NR2F1-AS1: variants seen among roughly 807,000 people sequenced by gnomAD.
NR2F1-AS1 encodes NR2F1 antisense RNA 1.
At chr5:93,505,234 C>T (rs1434981313) in intron 4 of NR2F1-AS1, among the ~76,000 whole-genome samples, 1 of 152,162 alleles carries the variant, frequency 6.6e-6, no homozygotes. Flanking sequence ...TGCAAGAGGT[C>T]GGTTCCCATG....
chr5:93,526,299 A>AAGTGGAATATTTGAAT (rs1751613483), intron 4 of NR2F1-AS1, among the ~76,000 whole-genome samples: 1 of 151,694 alleles, frequency 6.6e-6, no homozygotes, highest in African/African-American at 2.4e-5. Flanking sequence ...CAATATGAAG[A>AAGTGGAATATTTGAAT]AGTGGAATAT....
At chr5:93,491,670 G>T (rs899281587) in intron 4 of NR2F1-AS1, among the ~76,000 whole-genome samples, 1 of 152,110 alleles carries the variant, frequency 6.6e-6, no homozygotes, top group Non-Finnish European at 1.5e-5. Context: ...TGAAGAAAAA[G>T]GTGGGAGAGC....
chr5:93,554,760 A>G (rs937696376), intron 3 of NR2F1-AS1: 18 of 152,192 alleles, frequency 1.2e-4, no homozygotes, highest in African/African-American at 4.3e-4. Context: ...GATATTATTG[A>G]AACATTCTTC....
chr5:93,485,813 C>A (rs572792633), intron 4 of NR2F1-AS1, among the ~76,000 whole-genome samples: 6 of 149,634 alleles, frequency 4.0e-5, no homozygotes, highest in African/African-American at 1.5e-4. Flanking sequence ...CACATGCACA[C>A]GTATGTTTAT....
At chr5:93,562,999 T>A (rs968216175) in intron 2 of NR2F1-AS1, among the ~76,000 whole-genome samples, 5 of 152,220 alleles carry the variant, frequency 3.3e-5, no homozygotes, top group African/African-American at 1.2e-4. Context: ...TTCTACCCCT[T>A]GTATCCACGA....
At chr5:93,507,800 A>C (rs928560336) in intron 4 of NR2F1-AS1, among the ~76,000 whole-genome samples, 1 of 152,236 alleles carries the variant, frequency 6.6e-6, no homozygotes, top group African/African-American at 2.4e-5. Context: ...AATAAGATCA[A>C]TATACAAAAA....
At chr5:93,467,344 G>A (rs1169070437) in intron 4 of NR2F1-AS1, among the ~76,000 whole-genome samples, 3 of 152,124 alleles carry the variant, frequency 2.0e-5, no homozygotes, top group Non-Finnish European at 4.4e-5. Context: ...TCATCCCAGA[G>A]AAGACTTGTA....
intron 4 of NR2F1-AS1, among the ~76,000 whole-genome samples, chr5:93,431,984 AG>A (rs1243724276): frequency 3.9e-5 from 6 of 152,220 alleles, no homozygotes; most frequent in Admixed American, 2.6e-4. Context: ...TCTAAAAGGA[AG>A]ATGTTAAAAT....
At chr5:93,520,634 A>T (rs189692579) in intron 4 of NR2F1-AS1, among the ~76,000 whole-genome samples, 14 of 152,268 alleles carry the variant, frequency 9.2e-5, no homozygotes, top group Non-Finnish European at 1.8e-4. Context: ...GTTCTCAAGT[A>T]GATTTGTACC....
intron 4 of NR2F1-AS1, among the ~76,000 whole-genome samples, chr5:93,511,738 C>T (rs1169474275): frequency 1.3e-5 from 2 of 152,296 alleles, no homozygotes; most frequent in South Asian, 2.1e-4. Flanking sequence ...TGAGCTCCAC[C>T]TCCTGTCATA....
intron 4 of NR2F1-AS1, among the ~76,000 whole-genome samples, chr5:93,485,721 T>C (rs1178948350): frequency 6.6e-6 from 1 of 152,136 alleles, no homozygotes; most frequent in Non-Finnish European, 1.5e-5. Flanking sequence ...CTCAGGGATC[T>C]AGAACTAGAA....
At chr5:93,474,058 T>C (rs759106882) in intron 4 of NR2F1-AS1, among the ~76,000 whole-genome samples, 9 of 152,072 alleles carry the variant, frequency 5.9e-5, no homozygotes, top group Non-Finnish European at 1.2e-4. Context: ...CAGAACATAA[T>C]TATAAATAAA....
Position 93,466,329 on chromosome 5 carries a change from TTC to T in NR2F1-AS1, n.639-70789_639-70788del, listed in dbSNP as rs201175981. ...TTAATCACATACTGCCCTCAAAGAA[TTC>T]TTTTTTTTTTTTTTCTTGAGACATG... On this transcript the variant is annotated intron_variant and non_coding_transcript_variant, in intron 4 of 5. Transcript: ENST00000660523. Among the ~76,000 whole-genome samples the T allele has an allele frequency of 2.0e-3, 304 of 151,176 alleles. 2 individuals carry two copies. Among genetic ancestry groups the T allele is most frequent in the African/African-American group, 6.9e-3 (286 of 41,414 alleles).
At chr5:93,554,714 A>C (rs1159721833) in intron 3 of NR2F1-AS1, among the ~76,000 whole-genome samples, 1 of 152,220 alleles carries the variant, frequency 6.6e-6, no homozygotes, top group Non-Finnish European at 1.5e-5. Flanking sequence ...AAAAATAACA[A>C]GGCATAGTAC....
intron 4 of NR2F1-AS1, among the ~76,000 whole-genome samples, chr5:93,536,643 C>G (rs978924401): frequency 6.6e-6 from 1 of 152,084 alleles, no homozygotes; most frequent in African/African-American, 2.4e-5. Context: ...GTACCTACAG[C>G]CAACTGATTT....
intron 4 of NR2F1-AS1, among the ~76,000 whole-genome samples, chr5:93,418,415 C>T (rs550467072): frequency 7.2e-5 from 11 of 152,084 alleles, no homozygotes; most frequent in African/African-American, 2.4e-4. Flanking sequence ...GGTGAAACCC[C>T]GCCTCTACTA....
intron 1 of NR2F1-AS1, among the ~76,000 whole-genome samples, chr5:93,565,557 G>A (rs1356421160): frequency 6.6e-6 from 1 of 151,928 alleles, no homozygotes; most frequent in African/African-American, 2.4e-5. Flanking sequence ...GGCTTCAATT[G>A]TACTGTTAAT....
intron 4 of NR2F1-AS1, among the ~76,000 whole-genome samples, chr5:93,540,796 C>T (rs1395414082): frequency 6.6e-6 from 1 of 151,998 alleles, no homozygotes; most frequent in East Asian, 1.9e-4. Context: ...CTGGAAAATA[C>T]AATAAAATTG....
intron 4 of NR2F1-AS1, among the ~76,000 whole-genome samples, chr5:93,461,885 T>C (rs566783221): frequency 2.0e-5 from 3 of 152,182 alleles, no homozygotes; most frequent in East Asian, 1.9e-4. Flanking sequence ...CCAAACCCAT[T>C]TGTAGGTAAT....
Sources: allele counts gnomAD v4.1 joint callset (sites outside exome capture counted in the v4.1 genomes callset), GRCh38; gene constraint gnomAD v4.1.1; transcripts MANE v1.5; gene names NCBI Gene and HGNC (gene_info 2026-07-23, HGNC 2026-07-21).